The following UBR1 variants were observed in gnomAD, a reference collection of about 807,000 sequenced individuals.
UBR1 encodes ubiquitin protein ligase E3 component n-recognin 1, also known as E3 ubiquitin-protein ligase UBR1.
A neutral mutation model predicts 242.1 loss-of-function variants in UBR1; 102 were observed. The observed-to-expected ratio is 0.42, with a 90% CI of 0.36 to 0.50. The LOEUF (loss-of-function observed/expected upper bound fraction) is 0.50, where lower values mean the gene tolerates loss of function less well. UBR1 is among the 20% of genes least tolerant of loss of function. The pLI is 0.01. For missense variants in UBR1, 1,772 were observed against 2,101.8 expected, an observed-to-expected ratio of 0.84 and a Z score of 3.07; for synonymous variants, 675 against 684.8, an observed-to-expected ratio of 0.99 and a Z score of 0.22.
chr15:43,034,396 C>T lies in UBR1; in HGVS notation c.2191-1765G>A, dbSNP rs542486051. The stretch of plus-strand genomic sequence containing the variant: ...AGAAGGTTGCTTTGAGCCAAGATGG[C>T]GCCACAGCACTCCAGCCTGGGCGAC... On this transcript the variant is annotated intron_variant, in intron 19 of 46. Coordinates refer to ENST00000290650, the MANE Select transcript of UBR1 (RefSeq NM_174916.3). Among the ~76,000 whole-genome samples the T allele has an allele frequency of 1.7e-4, 26 of 149,932 alleles. 1 individual carries two copies. The highest frequency in any genetic ancestry group is 1.7e-3 in the South Asian group (8 of 4,734).
intron 5 of UBR1, 94 bp downstream of exon 5, chr15:43,070,701 T>C (rs560052585): frequency 6.5e-7 from 1 of 1,547,552 alleles, no homozygotes; most frequent in East Asian, 2.2e-5. Flanking sequence ...ATAATGATAA[T>C]TAGGCAGTAA....
chr15:42,957,630 T>C (rs985732437), intron 44 of UBR1, among the ~76,000 whole-genome samples: 1 of 152,192 alleles, frequency 6.6e-6, no homozygotes, highest in Non-Finnish European at 1.5e-5. Flanking sequence ...CCCAACATTT[T>C]GGGAGGCCAA....
intron 1 of UBR1, among the ~76,000 whole-genome samples, chr15:43,093,133 C>T (rs1299608507): frequency 1.3e-5 from 2 of 152,142 alleles, no homozygotes; most frequent in Non-Finnish European, 2.9e-5. Flanking sequence ...CATTAAAATT[C>T]CCAAACATTC....
chr15:42,961,140 GT>G (rs2032011330), intron 42 of UBR1, among the ~76,000 whole-genome samples: 1 of 132,914 alleles, frequency 7.5e-6, no homozygotes, highest in African/African-American at 2.9e-5. Flanking sequence ...TTTTGAGACA[GT>G]TTTGCTCTTG....
chr15:43,019,555 C>T (rs190888500), intron 27 of UBR1, among the ~76,000 whole-genome samples: 61 of 150,818 alleles, frequency 4.0e-4, no homozygotes, highest in African/African-American at 1.4e-3. Flanking sequence ...GCAATGAGTG[C>T]AGAAGCTCCA....
At chr15:43,071,880 C>CA (rs1317160081) in intron 4 of UBR1, among the ~76,000 whole-genome samples, 2 of 151,978 alleles carry the variant, frequency 1.3e-5, no homozygotes, top group African/African-American at 4.8e-5. Flanking sequence ...GTGGCCATAA[C>CA]AAAAAAAGCA....
At chr15:43,054,983 T>C in intron 11 of UBR1, 84 bp from the exon 12 acceptor site, 1 of 1,437,154 alleles carries the variant, frequency 7.0e-7, no homozygotes, top group Non-Finnish European at 9.7e-7. Flanking sequence ...GGTTAGTCAG[T>C]ATGTCATTTT....
chr15:42,985,075 G>C lies in UBR1; in HGVS notation c.3998-133C>G, dbSNP rs901182835. On this transcript the variant is annotated intron_variant, in intron 35 of 46. Coordinates refer to ENST00000290650, the MANE Select transcript of UBR1 (RefSeq NM_174916.3). ...GCATTTTTCCCCTTCAAAGTCTTGT[G>C]TTTTAAGTCTATGCCAAAATTTTCC... 1.3e-5 allele frequency: 10 copies of C among 759,522 alleles called. No individual in the cohort carries two copies. The Admixed American group carries it at 3.3e-4, about 25-fold the overall frequency. The allele number at this position is 759,522 out of a possible 1,614,324, so 47.0% of individuals were successfully genotyped here.
Position 42,952,325 on chromosome 15 carries a change from G to C in UBR1, c.4959C>G (p.Cys1653Trp), listed in dbSNP as rs781632415. The C allele has an allele frequency of 6.2e-7, 1 of 1,614,176 alleles. No homozygotes were observed. The highest frequency in any genetic ancestry group is 1.1e-5 in the South Asian group (1 of 91,078). Residue 1653 changes from cysteine (C) to tryptophan (W), a missense_variant, in exon 45 of 47, where the codon TGC becomes TGG. Physicochemically the swap from Cys to Trp is radical, Grantham distance 215 (BLOSUM62 -2). Transcript: ENST00000290650. ...CTCCACAGTGAAGTGCGTGAAAAAT[G>C]CAAGCTCCAACCTCTTCCCCGTTCA... ...EIVNGEEVGACIFHALHCGAG... is the reference protein window; with the variant it reads ...EIVNGEEVGAWIFHALHCGAG...
intron 13 of UBR1, among the ~76,000 whole-genome samples, chr15:43,048,135 C>T (rs1265877079): frequency 6.6e-6 from 1 of 150,922 alleles, no homozygotes; most frequent in Non-Finnish European, 1.5e-5. Flanking sequence ...TGCAGTGAGC[C>T]GAGATTGCAC....
In UBR1 at chr15:43,016,888, T is replaced by A. The variant is rs1039774143; in HGVS notation, c.3027+207A>T. 2.0e-5 allele frequency among the ~76,000 whole-genome samples: 3 copies of A among 152,218 alleles called. 1 individual carries two copies. Among genetic ancestry groups the A allele is most frequent in the Non-Finnish European group, 4.4e-5 (3 of 68,024 alleles). The stretch of plus-strand genomic sequence containing the variant: ...CTACGATATATCAATTTCTCCTGTT[T>A]TTGCAAAATACAAAAATTATACTGA... On this transcript the variant is annotated intron_variant, in intron 28 of 46. Coordinates refer to ENST00000290650, the MANE Select transcript of UBR1 (RefSeq NM_174916.3).
intron 37 of UBR1, among the ~76,000 whole-genome samples, chr15:42,978,827 CA>C (rs1223193199): frequency 6.7e-6 from 1 of 148,606 alleles, no homozygotes; most frequent in Non-Finnish European, 1.5e-5. Flanking sequence ...CTCCCAGGTT[CA>C]AGTGATTCTT....
At position 43,074,981 on chromosome 15, in the gene UBR1, C is replaced by G; in HGVS notation, c.526G>C (p.Glu176Gln). Residue 176 changes from glutamate to glutamine, a missense_variant and splice_region_variant, in exon 4 of 47, where the codon GAG becomes CAG. By Grantham distance (29) the Glu-to-Gln change is conservative. This residue lies in a region of UBR1 where 734 missense variants were observed against 893.3 expected (regional missense o/e 0.82). Transcript: ENST00000290650. Reference protein sequence around the residue: ...HEPGRAGTIKENSRCPLNEEV... With the variant: ...HEPGRAGTIKQNSRCPLNEEV... ...TTTTAACAAAATAGCATTCTTACCTCTTTTATAGTACCTGCTCTTCCAGGT... is the reference window on the plus strand; with the variant it reads ...TTTTAACAAAATAGCATTCTTACCTGTTTTATAGTACCTGCTCTTCCAGGT... 5.0e-6 allele frequency: 8 copies of G among 1,609,490 alleles called. No homozygotes were observed. Among genetic ancestry groups the G allele is most frequent in the Non-Finnish European group, 6.8e-6 (8 of 1,175,794 alleles).
chr15:42,978,440 C>T (rs1227766347), intron 37 of UBR1, among the ~76,000 whole-genome samples: 1 of 152,164 alleles, frequency 6.6e-6, no homozygotes, highest in Non-Finnish European at 1.5e-5. Context: ...GATTGTTCAT[C>T]TGGAGGAAAT....
intron 41 of UBR1, among the ~76,000 whole-genome samples, chr15:42,964,254 G>A (rs935946963): frequency 6.6e-6 from 1 of 152,106 alleles, no homozygotes; most frequent in Admixed American, 6.6e-5. Flanking sequence ...CGGATCACCT[G>A]AGGTCGGGAG....
chr15:43,002,817 A>C, intron 31 of UBR1, 113 bp from the exon 32 acceptor site: 1 of 1,311,076 alleles, frequency 7.6e-7, no homozygotes, highest in Non-Finnish European at 1.1e-6. Flanking sequence ...GCCCCAATAA[A>C]CATCTTTAGA....
chr15:43,032,718 T>G lies in UBR1; in HGVS notation c.2191-87A>C. ...ATTTCTGGACGAGACTCATGGTCCA[T>G]CCAGCCTAGTATTTTTCATCCAGTC... On this transcript the variant is annotated intron_variant, in intron 19 of 46. Coordinates refer to ENST00000290650, the MANE Select transcript of UBR1 (RefSeq NM_174916.3). 5 of 784,330 alleles carry G rather than the reference T, an allele frequency of 6.4e-6. No individual in the cohort carries two copies. The South Asian group carries it at 7.7e-5, about 12-fold the overall frequency. The allele number at this position is 784,330 out of a possible 1,614,324, so 48.6% of individuals were successfully genotyped here.
intron 1 of UBR1, among the ~76,000 whole-genome samples, chr15:43,104,577 TC>T (rs2034274299): frequency 6.6e-6 from 1 of 151,998 alleles, no homozygotes; most frequent in Non-Finnish European, 1.5e-5. Flanking sequence ...TTTTTCCAAC[TC>T]CCTCCCTACC....
At chr15:43,073,705 G>C (rs778695615) in intron 4 of UBR1, among the ~76,000 whole-genome samples, 5 of 152,008 alleles carry the variant, frequency 3.3e-5, no homozygotes, top group Admixed American at 3.3e-4. Context: ...CAATTATATT[G>C]GTTATTTATT....
Sources: allele counts gnomAD v4.1 joint callset (sites outside exome capture counted in the v4.1 genomes callset), GRCh38; gene constraint gnomAD v4.1.1; regional missense constraint gnomAD v4.1.1; transcripts MANE v1.5; gene names NCBI Gene and HGNC (gene_info 2026-07-23, HGNC 2026-07-21).